SETBP1: variants seen among roughly 807,000 people sequenced by gnomAD.
The protein encoded by SETBP1 is SET binding protein 1.
In SETBP1, 9 loss-of-function variants were observed where a neutral mutation model predicts 101.0. The ratio of observed to expected loss-of-function variants is 0.09; its 90% CI spans 0.05 to 0.16. The LOEUF is 0.16. Ranked by LOEUF, SETBP1 falls within the 10% of genes least tolerant of loss-of-function variation. The probability of loss-of-function intolerance (pLI) is 1.00; values close to 1 mark genes in which losing one functional copy is unlikely to be tolerated. For synonymous variants in SETBP1, 818 were observed against 788.5 expected (o/e 1.04, Z -0.63); for missense variants, 1,858 against 2,033.8 (o/e 0.91, Z 1.66).
Position 45,064,419 on chromosome 18 carries a change from A to G in SETBP1, c.*721A>G, listed in dbSNP as rs1187015346. 1 of 150,392 alleles carries G rather than the reference A, an allele frequency of 6.6e-6. No homozygotes were observed. Among genetic ancestry groups the G allele is most frequent in the African/African-American group, 2.4e-5 (1 of 41,048 alleles). 9.3% of individuals were successfully genotyped at this position (150,392 alleles called of 1,614,324 possible). ...TTGTACTTCCATATATCTTTTCATT[A>G]ACTTACTTGCTGCCTTTTTTTTTTC... On this transcript the variant is annotated 3_prime_UTR_variant, in exon 6 of 6. Coordinates refer to ENST00000649279, the MANE Select transcript of SETBP1 (RefSeq NM_015559.3).
chr18:44,944,704 TG>T (rs1330808877), intron 3 of SETBP1, among the ~76,000 whole-genome samples: 1 of 152,166 alleles, frequency 6.6e-6, no homozygotes, highest in Non-Finnish European at 1.5e-5. Flanking sequence ...TTTAAATTAT[TG>T]ATGTCAGCAG....
chr18:44,810,428 T>A (rs1173640364), intron 2 of SETBP1, among the ~76,000 whole-genome samples: 1 of 152,226 alleles, frequency 6.6e-6, no homozygotes, highest in East Asian at 1.9e-4. Context: ...GGTTGGTAAC[T>A]TTACAGTATT....
chr18:44,690,187 A>G (rs560083933), intron 1 of SETBP1, among the ~76,000 whole-genome samples: 7 of 152,372 alleles, frequency 4.6e-5, no homozygotes, highest in Non-Finnish European at 7.3e-5. Flanking sequence ...TGTTTAATGT[A>G]TAATTGGAGA....
At chr18:44,940,783 A>G (rs1261297160) in intron 3 of SETBP1, among the ~76,000 whole-genome samples, 1 of 152,196 alleles carries the variant, frequency 6.6e-6, no homozygotes, top group Non-Finnish European at 1.5e-5. Context: ...TATTTTGTAT[A>G]CACCAATATA....
Position 44,794,469 on chromosome 18 carries a change from A to G in SETBP1, c.487-74761A>G, listed in dbSNP as rs114036417. Reference sequence around the variant, plus strand: ...TTCCAGGAAGATATGGTCGTGTACAAAACTTGGGAGATTACTGGAGGCAAT... The same window carrying G: ...TTCCAGGAAGATATGGTCGTGTACAGAACTTGGGAGATTACTGGAGGCAAT... On this transcript the variant is annotated intron_variant, in intron 2 of 5. Transcript: ENST00000649279. Among the ~76,000 whole-genome samples, 930 of 152,266 alleles carry G rather than the reference A, an allele frequency of 6.1e-3. 11 individuals are homozygous for G. Among genetic ancestry groups the G allele is most frequent in the African/African-American group, 0.021 (892 of 41,546 alleles).
At chr18:45,012,212 C>T (rs559728072) in intron 4 of SETBP1, among the ~76,000 whole-genome samples, 16 of 152,246 alleles carry the variant, frequency 1.1e-4, no homozygotes, top group African/African-American at 3.4e-4. Context: ...GGAGGCATGG[C>T]ACACCAGGCA....
intron 1 of SETBP1, among the ~76,000 whole-genome samples, chr18:44,688,507 T>C (rs918804345): frequency 6.7e-4 from 101 of 151,548 alleles, no homozygotes; most frequent in Non-Finnish European, 2.1e-4. Context: ...TGAAGTCTTG[T>C]ACTGTCACGA....
At chr18:44,986,182 C>A (rs1356599266) in intron 4 of SETBP1, 1 of 152,128 alleles carries the variant, frequency 6.6e-6, no homozygotes, top group Non-Finnish European at 1.5e-5. Flanking sequence ...CAAACCTGCC[C>A]AGCATGTTAG....
chr18:44,954,477 C>T (rs2071441890), intron 4 of SETBP1, among the ~76,000 whole-genome samples: 2 of 152,022 alleles, frequency 1.3e-5, no homozygotes, highest in African/African-American at 4.8e-5. Context: ...ATGATGTGTA[C>T]CACTCACCTG....
chr18:44,955,294 A>T (rs1296912522), intron 4 of SETBP1, among the ~76,000 whole-genome samples: 3 of 152,212 alleles, frequency 2.0e-5, no homozygotes, highest in Non-Finnish European at 4.4e-5. Context: ...GTCCCATCTC[A>T]TCTCATCTTC....
At chr18:44,866,362 C>G (rs1036253528) in intron 2 of SETBP1, among the ~76,000 whole-genome samples, 2 of 152,206 alleles carry the variant, frequency 1.3e-5, no homozygotes, top group Admixed American at 6.5e-5. Flanking sequence ...GTTCTCTAGG[C>G]TCAGCAATTT....
rs187192710 is a variant in SETBP1, at chr18:44,808,227, A to C, written c.487-61003A>C. Reference sequence around the variant, plus strand: ...GTTTTCCTTAACAATCATGATTTGGATGTGCCATCTCTTTCCTGTTAAGAC... The same window carrying C: ...GTTTTCCTTAACAATCATGATTTGGCTGTGCCATCTCTTTCCTGTTAAGAC... On this transcript the variant is annotated intron_variant, in intron 2 of 5. Coordinates refer to ENST00000649279, the MANE Select transcript of SETBP1 (RefSeq NM_015559.3). Among the ~76,000 whole-genome samples, 9 of 152,214 alleles carry C rather than the reference A, an allele frequency of 5.9e-5. No homozygotes were observed. The East Asian group carries it at 1.6e-3, about 26-fold the overall frequency.
chr18:44,859,814 A>G (rs192722748), intron 2 of SETBP1, among the ~76,000 whole-genome samples: 1 of 152,254 alleles, frequency 6.6e-6, no homozygotes, highest in African/African-American at 2.4e-5. Flanking sequence ...TACAATTATA[A>G]AAGTTATGAA....
At chr18:44,737,188 C>T (rs559072342) in intron 2 of SETBP1, among the ~76,000 whole-genome samples, 1 of 152,230 alleles carries the variant, frequency 6.6e-6, no homozygotes, top group African/African-American at 2.4e-5. Flanking sequence ...TTGAGTTTGT[C>T]TGGGACAGGC....
intron 4 of SETBP1, among the ~76,000 whole-genome samples, chr18:45,017,646 C>A (rs2072975905): frequency 6.6e-6 from 1 of 152,238 alleles, no homozygotes. Context: ...ATGAACACTG[C>A]CACCTAATTT....
intron 3 of SETBP1, among the ~76,000 whole-genome samples, chr18:44,915,201 TCAC>T (rs1489648262): frequency 2.0e-5 from 3 of 152,204 alleles, no homozygotes; most frequent in African/African-American, 7.2e-5. Flanking sequence ...GCATTTCCCC[TCAC>T]TTCATTATGC....
At chr18:45,029,676 C>CTT (rs1206467542) in intron 4 of SETBP1, among the ~76,000 whole-genome samples, 2 of 151,808 alleles carry the variant, frequency 1.3e-5, no homozygotes, top group Admixed American at 6.6e-5. Context: ...TTTGTATCCT[C>CTT]TTATTTCATT....
At chr18:44,781,469 C>T (rs2071128699) in intron 2 of SETBP1, among the ~76,000 whole-genome samples, 1 of 151,290 alleles carries the variant, frequency 6.6e-6, no homozygotes, top group Non-Finnish European at 1.5e-5. Context: ...CTCTCTCTCT[C>T]TCTGTCTCTG....
At chr18:44,714,857 G>A (rs1051399195) in intron 2 of SETBP1, among the ~76,000 whole-genome samples, 1 of 152,114 alleles carries the variant, frequency 6.6e-6, no homozygotes, top group African/African-American at 2.4e-5. Flanking sequence ...GCATGGTGTG[G>A]ACAATCACAT....
Sources: allele counts gnomAD v4.1 joint callset (sites outside exome capture counted in the v4.1 genomes callset), GRCh38; gene constraint gnomAD v4.1.1; transcripts MANE v1.5; gene names NCBI Gene and HGNC (gene_info 2026-07-23, HGNC 2026-07-21).